The following NPAS3 variants were observed in gnomAD, a reference collection of about 807,000 sequenced individuals.
NPAS3 encodes the protein neuronal PAS domain protein 3.
In NPAS3, 14 loss-of-function variants were observed where a neutral mutation model predicts 73.1. The ratio of observed to expected loss-of-function variants is 0.19; its 90% CI spans 0.13 to 0.30. The LOEUF is 0.30. NPAS3 is among the 10% of genes least tolerant of loss of function. The pLI is 1.00. For synonymous variants in NPAS3, 620 were observed against 541.5 expected, an observed-to-expected ratio of 1.14 and a Z score of -2.01; for missense variants, 1,096 against 1,250.0, an observed-to-expected ratio of 0.88 and a Z score of 1.86.
intron 5 of NPAS3, among the ~76,000 whole-genome samples, chr14:33,639,815 A>G (rs1209766006): frequency 6.6e-6 from 1 of 152,236 alleles, no homozygotes; most frequent in Non-Finnish European, 1.5e-5. Flanking sequence ...TGACTTGACC[A>G]AGTTTCCTCA....
intron 5 of NPAS3, among the ~76,000 whole-genome samples, chr14:33,629,138 G>C (rs2058305025): frequency 6.6e-6 from 1 of 152,028 alleles, no homozygotes; most frequent in South Asian, 2.1e-4. Context: ...TGGAGGCTGA[G>C]GCAGGAGAAT....
At chr14:33,302,749 G>A (rs900927016) in intron 3 of NPAS3, among the ~76,000 whole-genome samples, 11 of 152,146 alleles carry the variant, frequency 7.2e-5, no homozygotes, top group African/African-American at 2.7e-4. Flanking sequence ...CCTACACAGT[G>A]ATGATCTGGT....
chr14:33,750,474 C>T (rs532427294), intron 7 of NPAS3, among the ~76,000 whole-genome samples: 163 of 152,286 alleles, frequency 1.1e-3, no homozygotes, highest in African/African-American at 3.8e-3. Context: ...ACTAATTTTA[C>T]GTATTCTAAC....
intron 7 of NPAS3, among the ~76,000 whole-genome samples, chr14:33,750,073 T>TG (rs1296901628): frequency 6.6e-6 from 1 of 152,170 alleles, no homozygotes; most frequent in Non-Finnish European, 1.5e-5. Context: ...CATAGGCACC[T>TG]GCTCTTGATT....
At position 33,507,881 on chromosome 14, in the gene NPAS3, A is replaced by T. The variant is rs895271576; in HGVS notation, c.469-52240A>T. 3.2e-4 allele frequency among the ~76,000 whole-genome samples: 49 copies of T among 151,870 alleles called. 1 individual carries two copies. Among genetic ancestry groups the T allele is most frequent in the African/African-American group, 1.1e-3 (47 of 41,370 alleles). On this transcript the variant is annotated intron_variant, in intron 4 of 11. Transcript: ENST00000356141. ...AAGCACTTTCTGGTTTTGATGTGCG[A>T]TTAGTTTCCATCTTTAATGTGGATG... is the stretch of plus-strand genomic sequence containing the variant.
intron 11 of NPAS3, among the ~76,000 whole-genome samples, chr14:33,799,486 C>T (rs572180025): frequency 6.6e-6 from 1 of 152,284 alleles, no homozygotes; most frequent in Admixed American, 6.5e-5. Context: ...CAGCGGGTGT[C>T]CAGATGATTG....
intron 4 of NPAS3, among the ~76,000 whole-genome samples, chr14:33,402,815 C>T (rs920087883): frequency 6.6e-6 from 1 of 152,122 alleles, no homozygotes; most frequent in African/African-American, 2.4e-5. Flanking sequence ...GGCCCAGAGC[C>T]CCTTGAGTCT....
At chr14:33,468,778 C>G (rs1309584271) in intron 4 of NPAS3, among the ~76,000 whole-genome samples, 1 of 152,188 alleles carries the variant, frequency 6.6e-6, no homozygotes, top group Non-Finnish European at 1.5e-5. Context: ...CCTCATCAAG[C>G]ATTGATTTAG....
chr14:33,642,970 G>A (rs2058715824), intron 5 of NPAS3, among the ~76,000 whole-genome samples: 1 of 152,104 alleles, frequency 6.6e-6, no homozygotes, highest in African/African-American at 2.4e-5. Flanking sequence ...AAGTGTCCAT[G>A]GATCAGAGAA....
intron 4 of NPAS3, among the ~76,000 whole-genome samples, chr14:33,407,289 C>A (rs2047709420): frequency 6.6e-6 from 1 of 152,038 alleles, no homozygotes; most frequent in Non-Finnish European, 1.5e-5. Context: ...CATATGAGAG[C>A]CTCTTTTCCA....
chr14:33,392,785 C>T (rs913622188), intron 4 of NPAS3, among the ~76,000 whole-genome samples: 1 of 152,002 alleles, frequency 6.6e-6, no homozygotes, highest in African/African-American at 2.4e-5. Context: ...GAATTTTGCC[C>T]TCTACACAGT....
intron 3 of NPAS3, among the ~76,000 whole-genome samples, chr14:33,291,105 T>C (rs2042081626): frequency 6.6e-6 from 1 of 152,114 alleles, no homozygotes; most frequent in African/African-American, 2.4e-5. Flanking sequence ...TCTCATTCCA[T>C]TTTGAATTGT....
chr14:33,500,363 A>C (rs888105571), intron 4 of NPAS3, among the ~76,000 whole-genome samples: 1 of 151,894 alleles, frequency 6.6e-6, no homozygotes, highest in African/African-American at 2.4e-5. Context: ...AAGTAGGTTT[A>C]TATGCTCCGA....
At chr14:33,411,877 A>G (rs898682735) in intron 4 of NPAS3, among the ~76,000 whole-genome samples, 3 of 151,604 alleles carry the variant, frequency 2.0e-5, no homozygotes, top group African/African-American at 7.3e-5. Flanking sequence ...TTGACAGTGA[A>G]TGCTCGCTCC....
chr14:33,236,143 C>T (rs1340881267), intron 3 of NPAS3, among the ~76,000 whole-genome samples: 1 of 151,808 alleles, frequency 6.6e-6, no homozygotes, highest in Non-Finnish European at 1.5e-5. Context: ...TCTGTCCTTT[C>T]TGGATTCATC....
intron 2 of NPAS3, among the ~76,000 whole-genome samples, chr14:33,091,694 C>A (rs188864944): frequency 6.6e-6 from 1 of 152,252 alleles, no homozygotes; most frequent in African/African-American, 2.4e-5. Context: ...ACCAATATCC[C>A]TGATGAACGT....
chr14:32,974,615 C>T (rs1056840177), intron 1 of NPAS3, among the ~76,000 whole-genome samples: 2 of 152,138 alleles, frequency 1.3e-5, no homozygotes, highest in Admixed American at 1.3e-4. Flanking sequence ...AACAACCAAA[C>T]AAAGACAGAG....
At position 33,286,443 on chromosome 14, in the gene NPAS3, A is replaced by T. The variant is rs190770586; in HGVS notation, c.385+71017A>T. On this transcript the variant is annotated intron_variant, in intron 3 of 11. Transcript: ENST00000356141. ...GTTTTAAAAAAATTCCATGAGACAG[A>T]TAAACAAACAGATAATGGCATTGTG... Among the ~76,000 whole-genome samples the T allele has an allele frequency of 1.2e-4, 19 of 152,356 alleles. No individual in the cohort carries two copies. In the East Asian group the frequency reaches 3.5e-3, roughly 28 times the overall value.
intron 3 of NPAS3, among the ~76,000 whole-genome samples, chr14:33,324,292 AG>A (rs2043591185): frequency 6.6e-6 from 1 of 152,210 alleles, no homozygotes; most frequent in Non-Finnish European, 1.5e-5. Context: ...AAGGACGAAA[AG>A]CTTCACATGA....
Sources: gnomAD v4.1 joint callset for allele counts (sites outside exome capture counted in the v4.1 genomes callset) on GRCh38, gnomAD v4.1.1 for gene constraint, MANE v1.5 for transcripts, NCBI Gene and HGNC (gene_info 2026-07-23, HGNC 2026-07-21) for gene names.